Variants in RBMS3 observed in about 807,000 individuals in gnomAD.
RBMS3 encodes the protein RNA binding motif single stranded interacting protein 3, also known as RNA-binding motif, single-stranded-interacting protein 3.
A neutral mutation model predicts 66.8 loss-of-function variants in RBMS3; 27 were observed. That is an observed-to-expected ratio of 0.40 (90% CI 0.30 to 0.56). RBMS3 has a LOEUF of 0.56. Among genes scored for constraint, RBMS3 ranks in the 20% least tolerant of loss-of-function variants. The pLI, the probability that RBMS3 is intolerant of heterozygous loss-of-function variation, is 0.40. For synonymous variants in RBMS3, 188 were observed against 183.0 expected, an observed-to-expected ratio of 1.03 and a Z score of -0.22; for missense variants, 513 against 549.5, an observed-to-expected ratio of 0.93 and a Z score of 0.66.
intron 10 of RBMS3, among the ~76,000 whole-genome samples, chr3:29,921,085 G>A (rs1023100078): frequency 1.3e-5 from 2 of 152,050 alleles, no homozygotes; most frequent in African/African-American, 4.8e-5. Context: ...GTTTTGAGAT[G>A]GAGTTTCACT....
chr3:29,850,252 T>C (rs2058898005), intron 6 of RBMS3, among the ~76,000 whole-genome samples: 2 of 152,176 alleles, frequency 1.3e-5, no homozygotes, highest in Admixed American at 1.3e-4. Context: ...TGTTAGTTTC[T>C]TTAAGCTCCT....
intron 5 of RBMS3, among the ~76,000 whole-genome samples, chr3:29,742,373 T>C (rs1204071644): frequency 2.0e-5 from 3 of 152,154 alleles, no homozygotes; most frequent in Non-Finnish European, 4.4e-5. Context: ...CTGCTTACAA[T>C]CCTTCAACAT....
intron 4 of RBMS3, among the ~76,000 whole-genome samples, chr3:29,596,280 T>A (rs1365604653): frequency 6.6e-6 from 1 of 152,198 alleles, no homozygotes; most frequent in African/African-American, 2.4e-5. Context: ...TGCTAAATGG[T>A]TGAACATTTT....
intron 1 of RBMS3, among the ~76,000 whole-genome samples, chr3:29,401,839 G>A (rs1389661391): frequency 2.0e-5 from 3 of 152,048 alleles, no homozygotes; most frequent in Non-Finnish European, 2.9e-5. Flanking sequence ...TCAGACAGCT[G>A]CTACGATTCT....
chr3:29,793,857 T>C (rs994434184), intron 6 of RBMS3, among the ~76,000 whole-genome samples: 3 of 152,166 alleles, frequency 2.0e-5, no homozygotes, highest in African/African-American at 7.2e-5. Context: ...TTGCTGGAGG[T>C]GGAGCTTGGT....
intron 1 of RBMS3, among the ~76,000 whole-genome samples, chr3:29,431,662 T>C (rs568096037): frequency 6.6e-5 from 10 of 152,286 alleles, no homozygotes; most frequent in African/African-American, 2.4e-4. Flanking sequence ...TTCTTTCACT[T>C]GTGCATTTCT....
At chr3:29,963,317 G>T (rs371615486) in intron 12 of RBMS3, among the ~76,000 whole-genome samples, 2 of 152,070 alleles carry the variant, frequency 1.3e-5, no homozygotes, top group Admixed American at 6.5e-5. Flanking sequence ...CAGCATATCC[G>T]TGGGTGGATC....
intron 3 of RBMS3, among the ~76,000 whole-genome samples, chr3:29,506,340 T>C (rs774935346): frequency 6.6e-5 from 10 of 152,036 alleles, no homozygotes; most frequent in Non-Finnish European, 1.0e-4. Flanking sequence ...GATTATCATA[T>C]GGTTTTTGTC....
At chr3:29,291,728 T>A (rs983138139) in intron 1 of RBMS3, among the ~76,000 whole-genome samples, 1 of 151,808 alleles carries the variant, frequency 6.6e-6, no homozygotes, top group Non-Finnish European at 1.5e-5. Context: ...TTACCTAGGA[T>A]AATAACATCT....
intron 1 of RBMS3, among the ~76,000 whole-genome samples, chr3:29,376,482 C>T (rs1000313032): frequency 5.3e-5 from 8 of 152,132 alleles, no homozygotes; most frequent in African/African-American, 1.7e-4. Context: ...TAAAAAGACA[C>T]AATGTGGGCC....
chr3:29,971,060 T>C (rs1418745547), intron 12 of RBMS3, among the ~76,000 whole-genome samples: 5 of 152,074 alleles, frequency 3.3e-5, no homozygotes, highest in Admixed American at 2.6e-4. Flanking sequence ...CTGCCTCCTC[T>C]CTTGGACTCA....
intron 2 of RBMS3, among the ~76,000 whole-genome samples, chr3:29,452,470 T>G (rs2042047959): frequency 6.6e-6 from 1 of 152,192 alleles, no homozygotes; most frequent in Non-Finnish European, 1.5e-5. Flanking sequence ...AAAGCAAGGT[T>G]TCTTGAAATA....
chr3:29,975,004 ATTTATTT>A (rs1697477840), intron 12 of RBMS3, among the ~76,000 whole-genome samples: 1 of 105,310 alleles, frequency 9.5e-6, no homozygotes, highest in Non-Finnish European at 1.9e-5. Context: ...ACGTTTCTAT[ATTTATTT>A]TATATATAAA....
chr3:29,916,641 G>T (rs1485438596), intron 10 of RBMS3, among the ~76,000 whole-genome samples: 3 of 151,772 alleles, frequency 2.0e-5, no homozygotes, highest in Non-Finnish European at 2.9e-5. Flanking sequence ...ATATTGTGAT[G>T]GAATACTGAA....
intron 14 of RBMS3, among the ~76,000 whole-genome samples, chr3:29,996,073 A>G (rs1211302736): frequency 1.3e-5 from 2 of 152,114 alleles, no homozygotes; most frequent in Non-Finnish European, 2.9e-5. Flanking sequence ...ATGGAAGAAG[A>G]TCTACCAAGC....
chr3:29,664,437 G>A (rs999345671), intron 4 of RBMS3, among the ~76,000 whole-genome samples: 4 of 151,944 alleles, frequency 2.6e-5, no homozygotes, highest in African/African-American at 9.7e-5. Flanking sequence ...GCAGTGAGCC[G>A]AGATGGCACG....
chr3:29,514,650 CATATAT>C (rs10601940), intron 3 of RBMS3, among the ~76,000 whole-genome samples: 1,374 of 103,672 alleles, frequency 0.013, 38 homozygotes, highest in South Asian at 0.06. Context: ...GTGATAGGCA[CATATAT>C]ATATATATAT....
intron 5 of RBMS3, among the ~76,000 whole-genome samples, chr3:29,757,357 T>A (rs1414264872): frequency 6.6e-6 from 1 of 152,210 alleles, no homozygotes; most frequent in Non-Finnish European, 1.5e-5. Flanking sequence ...AATCACAGAT[T>A]TCAATTTTCA....
intron 1 of RBMS3, among the ~76,000 whole-genome samples, chr3:29,411,692 C>T (rs1177072420): frequency 1.3e-5 from 2 of 152,182 alleles, no homozygotes; most frequent in East Asian, 1.9e-4. Flanking sequence ...CTCTGTTCTT[C>T]GCTTTGGCAG....
Sources: allele counts gnomAD v4.1 joint callset (sites outside exome capture counted in the v4.1 genomes callset), GRCh38; gene constraint gnomAD v4.1.1; transcripts MANE v1.5; gene names NCBI Gene and HGNC (gene_info 2026-07-23, HGNC 2026-07-21).